The following AMBRA1 variants were observed in gnomAD, a reference collection of about 807,000 sequenced individuals.
The protein encoded by AMBRA1 is autophagy and beclin 1 regulator 1.
Under a neutral mutation model 125.4 loss-of-function variants are expected in AMBRA1, and 47 were observed. The observed-to-expected ratio is 0.37, with a 90% CI of 0.30 to 0.48. The LOEUF is 0.48. Ranked by LOEUF, AMBRA1 falls within the 20% of genes least tolerant of loss-of-function variation. AMBRA1 has a pLI of 0.99. For synonymous variants in AMBRA1, 626 were observed against 655.5 expected (o/e 0.95, Z 0.69); for missense variants, 1,331 against 1,693.4 (o/e 0.79, Z 3.76).
intron 12 of AMBRA1, among the ~76,000 whole-genome samples, chr11:46,437,352 A>G (rs1947771949): frequency 6.6e-6 from 1 of 152,208 alleles, no homozygotes; most frequent in Non-Finnish European, 1.5e-5. Flanking sequence ...ACCCAACTTC[A>G]TAACTCTTCC....
At chr11:46,431,705 T>C (rs1947462627) in intron 14 of AMBRA1, among the ~76,000 whole-genome samples, 1 of 152,200 alleles carries the variant, frequency 6.6e-6, no homozygotes, top group Admixed American at 6.5e-5. Context: ...CTGTTGGGAC[T>C]GGGATTCCAG....
intron 11 of AMBRA1, among the ~76,000 whole-genome samples, chr11:46,484,881 A>G (rs1344676616): frequency 1.3e-5 from 2 of 150,894 alleles, no homozygotes; most frequent in Non-Finnish European, 2.9e-5. Flanking sequence ...TCCTGACCTC[A>G]TGATCCACCT....
At chr11:46,448,668 T>C (rs939783689) in intron 11 of AMBRA1, among the ~76,000 whole-genome samples, 4 of 151,858 alleles carry the variant, frequency 2.6e-5, no homozygotes, top group East Asian at 1.9e-4. Context: ...ACCAAAAACT[T>C]TGAAAGATCA....
intron 1 of AMBRA1, among the ~76,000 whole-genome samples, chr11:46,574,934 CG>C (rs1418538947): frequency 6.6e-6 from 1 of 152,186 alleles, no homozygotes; most frequent in Non-Finnish European, 1.5e-5. Flanking sequence ...TCCCTATACA[CG>C]GTTCACATTC....
chr11:46,410,518 C>G, intron 15 of AMBRA1, 150 bp from the exon 16 acceptor site: 1 of 677,670 alleles, frequency 1.5e-6, no homozygotes, highest in East Asian at 2.7e-5. Flanking sequence ...AGAGCTGCTG[C>G]CTCATCAGGA....
intron 1 of AMBRA1, among the ~76,000 whole-genome samples, chr11:46,581,802 A>C (rs996828226): frequency 7.0e-5 from 10 of 143,544 alleles, no homozygotes; most frequent in Non-Finnish European, 1.5e-5. Context: ...TCCATCAAAA[A>C]AAAAAAAAAA....
chr11:46,438,831 T>C (rs373616230), intron 12 of AMBRA1, among the ~76,000 whole-genome samples: 2 of 152,334 alleles, frequency 1.3e-5, no homozygotes, highest in African/African-American at 4.8e-5. Context: ...AATTTCAAAA[T>C]TATTTATGCA....
chr11:46,572,035 G>C (rs2043780111), intron 1 of AMBRA1, among the ~76,000 whole-genome samples: 1 of 152,160 alleles, frequency 6.6e-6, no homozygotes, highest in South Asian at 2.1e-4. Context: ...AGGCGTGGTA[G>C]CTCACGCCTA....
intron 1 of AMBRA1, among the ~76,000 whole-genome samples, chr11:46,555,453 G>C (rs1246340850): frequency 6.6e-6 from 1 of 152,134 alleles, no homozygotes; most frequent in African/African-American, 2.4e-5. Flanking sequence ...GTTGTTATGA[G>C]ACTCCAAATA....
chr11:46,516,780 C>T (rs1277852490), intron 7 of AMBRA1, among the ~76,000 whole-genome samples: 5 of 151,922 alleles, frequency 3.3e-5, no homozygotes, highest in African/African-American at 7.3e-5. Flanking sequence ...CAGCTGTCAA[C>T]GGGAAATGGT....
chr11:46,555,616 A>C (rs1056653013), intron 1 of AMBRA1, among the ~76,000 whole-genome samples: 1 of 152,248 alleles, frequency 6.6e-6, no homozygotes, highest in Non-Finnish European at 1.5e-5. Context: ...ATTTCTAAGA[A>C]TTATGTCAAA....
At chr11:46,527,368 T>C (rs542944017) in intron 7 of AMBRA1, among the ~76,000 whole-genome samples, 1 of 149,172 alleles carries the variant, frequency 6.7e-6, no homozygotes, top group Non-Finnish European at 1.5e-5. Context: ...TAATCCCAAC[T>C]ACTTGGGAAG....
At chr11:46,552,608 C>T (rs1022741877) in intron 1 of AMBRA1, among the ~76,000 whole-genome samples, 1 of 150,496 alleles carries the variant, frequency 6.6e-6, no homozygotes, top group African/African-American at 2.4e-5. Flanking sequence ...TCACTTGAAC[C>T]CGGGAGGCGG....
At chr11:46,399,870 C>A (rs1480660186) in intron 17 of AMBRA1, among the ~76,000 whole-genome samples, 1 of 152,212 alleles carries the variant, frequency 6.6e-6, no homozygotes. Context: ...ACTCCCTCTG[C>A]AGAAATGCCT....
intron 11 of AMBRA1, among the ~76,000 whole-genome samples, chr11:46,485,941 T>C (rs776456858): frequency 3.9e-5 from 6 of 152,182 alleles, no homozygotes; most frequent in Non-Finnish European, 5.9e-5. Flanking sequence ...CTCCAGTGAC[T>C]GGTGGACACC....
intron 11 of AMBRA1, among the ~76,000 whole-genome samples, chr11:46,475,434 C>T (rs1165316354): frequency 6.6e-6 from 1 of 152,172 alleles, no homozygotes; most frequent in African/African-American, 2.4e-5. Context: ...GTAGACTGGA[C>T]CTTAATTCCA....
intron 11 of AMBRA1, among the ~76,000 whole-genome samples, chr11:46,464,213 T>A (rs980912512): frequency 6.6e-6 from 1 of 152,206 alleles, no homozygotes; most frequent in Non-Finnish European, 1.5e-5. Context: ...TTCAAAAATT[T>A]CCATGTATTT....
At chr11:46,513,247 G>C (rs1355784111) in intron 7 of AMBRA1, among the ~76,000 whole-genome samples, 1 of 149,130 alleles carries the variant, frequency 6.7e-6, no homozygotes, top group African/African-American at 2.5e-5. Flanking sequence ...TATCCATTCT[G>C]CTCTGCCTAC....
chr11:46,505,145 C>T (rs998967422), intron 9 of AMBRA1, among the ~76,000 whole-genome samples: 2 of 152,226 alleles, frequency 1.3e-5, no homozygotes, highest in East Asian at 1.9e-4. Flanking sequence ...CCATATCTAC[C>T]TTACATGTCT....
Sources: gnomAD v4.1 joint callset for allele counts (sites outside exome capture counted in the v4.1 genomes callset) on GRCh38, gnomAD v4.1.1 for gene constraint, MANE v1.5 for transcripts, NCBI Gene and HGNC (gene_info 2026-07-23, HGNC 2026-07-21) for gene names.